The following GAR1 variants were observed in gnomAD, a reference collection of about 807,000 sequenced individuals.
The protein encoded by GAR1 is GAR1 ribonucleoprotein, also known as H/ACA ribonucleoprotein complex subunit 1.
Under a neutral mutation model 29.3 loss-of-function variants are expected in GAR1, and 11 were observed. That is an observed-to-expected ratio of 0.38 (90% confidence interval 0.24 to 0.62). The LOEUF is 0.62. GAR1 is among the 20% of genes least tolerant of loss of function. GAR1 has a pLI of 0.62. For missense variants in GAR1, 237 were observed against 268.4 expected (o/e 0.88, Z 0.82); for synonymous variants, 87 against 93.3 (o/e 0.93, Z 0.39).
intron 5 of GAR1, among the ~76,000 whole-genome samples, chr4:109,823,428 CATGTT>C (rs1356570064): frequency 9.9e-5 from 15 of 152,170 alleles, no homozygotes; most frequent in African/African-American, 3.4e-4. Context: ...CCCCTATTCT[CATGTT>C]ATGTTGAGTA....
At position 109,816,461 on chromosome 4, in the gene GAR1, A is replaced by G. The variant is rs914399227; in HGVS notation, c.214+83A>G. 17 of 1,292,226 alleles carry G rather than the reference A, an allele frequency of 1.3e-5. No homozygotes were observed. The East Asian group carries it at 1.8e-4, about 14-fold the overall frequency. 80.0% of individuals were successfully genotyped at this position (1,292,226 alleles called of 1,614,324 possible). A position where few individuals can be genotyped will look rare whatever the true frequency, so the allele number is the denominator to read the frequency against. On this transcript the variant is annotated intron_variant, in intron 2 of 6. Coordinates refer to ENST00000226796, the MANE Select transcript of GAR1 (RefSeq NM_018983.4). ...TGTTGTTAGGCAGCAAGTTTGGGAT[A>G]CACAAGCCTGTGTGGAGAATGTAGC...
intron 3 of GAR1, among the ~76,000 whole-genome samples, chr4:109,818,457 TTC>T (rs892472825): frequency 6.6e-5 from 10 of 151,682 alleles, no homozygotes; most frequent in Non-Finnish European, 1.3e-4. Flanking sequence ...CTTTTTCTCT[TTC>T]TCTCTTTCTT....
At chr4:109,818,422 CTCCT>C (rs899646144) in intron 3 of GAR1, among the ~76,000 whole-genome samples, 30 of 151,812 alleles carry the variant, frequency 2.0e-4, no homozygotes, top group African/African-American at 6.8e-4. Context: ...ACTCTGGAAA[CTCCT>C]TCCTTCCTTT....
chr4:109,817,866 C>A, intron 2 of GAR1, 70 bp from the exon 3 acceptor site: 1 of 1,316,402 alleles, frequency 7.6e-7, no homozygotes, highest in Non-Finnish European at 1.1e-6. Context: ...AAAAAGAAAG[C>A]TTCCAGAAGC....
intron 4 of GAR1, among the ~76,000 whole-genome samples, chr4:109,821,508 C>T (rs149125039): frequency 3.9e-4 from 60 of 152,232 alleles, no homozygotes; most frequent in African/African-American, 1.4e-3. Flanking sequence ...GAGAAATGTC[C>T]TCTTTAACCC....
chr4:109,819,223 A>T, intron 4 of GAR1, 163 bp downstream of exon 4: 1 of 653,954 alleles, frequency 1.5e-6, no homozygotes, highest in Non-Finnish European at 2.7e-6. Context: ...TAATCTTTAA[A>T]AGTGATTTAT....
intron 1 of GAR1, 77 bp downstream of exon 1, chr4:109,815,881 G>A: frequency 2.3e-6 from 1 of 430,506 alleles, no homozygotes; most frequent in South Asian, 3.2e-5. Context: ...GAGGAAGGAA[G>A]GGGATGCGGT....
chr4:109,824,163 G>A, intron 6 of GAR1, 130 bp downstream of exon 6: 2 of 675,480 alleles, frequency 3.0e-6, no homozygotes, highest in South Asian at 4.3e-5. Flanking sequence ...TCTTTGCTTA[G>A]CCTAATTTGT....
intron 5 of GAR1, 38 bp downstream of exon 5, chr4:109,822,526 G>T (rs1733542498): frequency 6.4e-7 from 1 of 1,573,960 alleles, no homozygotes; most frequent in Admixed American, 1.9e-5. Context: ...GAAATTAACT[G>T]TGACTTTCAC....
chr4:109,816,589 G>A (rs150203795), intron 2 of GAR1, among the ~76,000 whole-genome samples: 1 of 152,182 alleles, frequency 6.6e-6, no homozygotes, highest in African/African-American at 2.4e-5. Flanking sequence ...ATAGGTAATC[G>A]TGAGTACTTA....
chr4:109,820,508 A>G (rs970697857), intron 4 of GAR1, among the ~76,000 whole-genome samples: 2 of 152,100 alleles, frequency 1.3e-5, no homozygotes, highest in African/African-American at 4.8e-5. Flanking sequence ...GCACCTATGA[A>G]GAGTTTTGGG....
intron 4 of GAR1, chr4:109,819,674 G>A (rs1469761397): frequency 1.3e-5 from 2 of 152,484 alleles, no homozygotes; most frequent in Admixed American, 1.3e-4. Flanking sequence ...CTCTTAAGTA[G>A]CGTCCAGGAT....
At chr4:109,823,260 A>T (rs972783287) in intron 5 of GAR1, among the ~76,000 whole-genome samples, 4 of 152,128 alleles carry the variant, frequency 2.6e-5, no homozygotes, top group African/African-American at 9.7e-5. Flanking sequence ...TTGGGCTTGG[A>T]CAGCTTTTGT....
At chr4:109,818,567 CTTTTTTTTTT>C (rs34081446) in intron 3 of GAR1, among the ~76,000 whole-genome samples, 52 of 123,772 alleles carry the variant, frequency 4.2e-4, no homozygotes, top group African/African-American at 1.6e-3. Flanking sequence ...TTCTTTTTTC[CTTTTTTTTTT>C]TTTTTTTGAC....
In GAR1 at chr4:109,818,100, T is replaced by G. The variant is rs2125888696; in HGVS notation, c.369+10T>G. 1 of 1,583,272 alleles carries G rather than the reference T, an allele frequency of 6.3e-7. No individual in the cohort carries two copies. On this transcript the variant is annotated intron_variant, in intron 3 of 6. Transcript: ENST00000226796. ...ACAACTCAGAGATTTTGTATCCTTT[T>G]TCATTGGAAGGCCTGATAATATTCA...
chr4:109,823,197 C>T (rs1381473753), intron 5 of GAR1, among the ~76,000 whole-genome samples: 2 of 151,968 alleles, frequency 1.3e-5, no homozygotes, highest in African/African-American at 2.4e-5. Flanking sequence ...AGGAGAAGGG[C>T]GAGTGATGGG....
At chr4:109,824,137 T>A in intron 6 of GAR1, 104 bp downstream of exon 6, 1 of 787,976 alleles carries the variant, frequency 1.3e-6, no homozygotes, top group Non-Finnish European at 2.1e-6. Context: ...AGCAAGTATA[T>A]AGAACACCAT....
At chr4:109,823,430 T>A (rs1733571951) in intron 5 of GAR1, among the ~76,000 whole-genome samples, 1 of 152,180 alleles carries the variant, frequency 6.6e-6, no homozygotes, top group Admixed American at 6.5e-5. Context: ...CCTATTCTCA[T>A]GTTATGTTGA....
In GAR1 at chr4:109,817,901, G is replaced by A. The variant is rs1266692770; in HGVS notation, c.215-35G>A. The A allele has an allele frequency of 2.6e-6, 4 of 1,566,162 alleles. No individual in the cohort carries two copies. The East Asian group carries it at 9.0e-5, about 35-fold the overall frequency. On this transcript the variant is annotated intron_variant, in intron 2 of 6. Transcript: ENST00000226796. ...CAGTTGGTCAGTATCGTTTGAAATAGTTCTATGTTTTAACATTTTCTTGTC... is the reference window on the plus strand; with the variant it reads ...CAGTTGGTCAGTATCGTTTGAAATAATTCTATGTTTTAACATTTTCTTGTC...
Sources: allele counts gnomAD v4.1 joint callset (sites outside exome capture counted in the v4.1 genomes callset), GRCh38; gene constraint gnomAD v4.1.1; transcripts MANE v1.5; gene names NCBI Gene and HGNC (gene_info 2026-07-23, HGNC 2026-07-21).